PINX1: variants seen among roughly 807,000 people sequenced by gnomAD.
PINX1 encodes the protein PIN2 (TERF1) interacting telomerase inhibitor 1, also known as PIN2/TERF1-interacting telomerase inhibitor 1.
PINX1 carries 34 observed loss-of-function variants against 25.4 expected under a neutral mutation model. The observed-to-expected ratio is 1.34, with a 90% CI of 1.02 to 1.78. PINX1 has a LOEUF of 1.78. Ranked by LOEUF, PINX1 falls within the 40% of genes most tolerant of loss-of-function variation. The probability of loss-of-function intolerance (pLI) is 0.00; values close to 1 mark genes in which losing one functional copy is unlikely to be tolerated. For synonymous variants in PINX1, 197 were observed against 147.7 expected (o/e 1.33, Z -2.42); for missense variants, 592 against 404.9 (o/e 1.46, Z -3.97).
intron 6 of PINX1, chr8:10,787,656 G>T: frequency 3.1e-6 from 1 of 326,276 alleles, no homozygotes; most frequent in Non-Finnish European, 6.0e-6. Context: ...GGGAAATTAA[G>T]GATAAATGTG....
At chr8:10,835,528 GC>G (rs903522173) in intron 1 of PINX1, among the ~76,000 whole-genome samples, 46 of 152,324 alleles carry the variant, frequency 3.0e-4, no homozygotes, top group African/African-American at 9.9e-4. Flanking sequence ...TCATTGAGAT[GC>G]CCTGAAGCCC....
At chr8:10,783,534 T>C (rs1586147415) in intron 6 of PINX1, among the ~76,000 whole-genome samples, 1 of 152,220 alleles carries the variant, frequency 6.6e-6, no homozygotes, top group Non-Finnish European at 1.5e-5. Context: ...TCTTCCTTGA[T>C]CTCTGCAAGC....
chr8:10,829,981 A>C (rs1164495004), intron 4 of PINX1, among the ~76,000 whole-genome samples: 1 of 152,140 alleles, frequency 6.6e-6, no homozygotes, highest in Non-Finnish European at 1.5e-5. Context: ...CCAAGCTTAC[A>C]TTCTTATCTG....
intron 6 of PINX1, among the ~76,000 whole-genome samples, chr8:10,802,582 T>C (rs1802303251): frequency 6.6e-6 from 1 of 152,222 alleles, no homozygotes; most frequent in Non-Finnish European, 1.5e-5. Context: ...TCTGCATTCC[T>C]AAATCTTCCT....
rs115988915 is a variant in PINX1, at chr8:10,799,403, T to C, written c.471+20790A>G. ...CGAGGCCTGACAGTTGCTGGGGAAA[T>C]GATGGGACAGACGTGTCTGCTCCTG... is the stretch of plus-strand genomic sequence containing the variant. On this transcript the variant is annotated intron_variant, in intron 6 of 6. Transcript: ENST00000314787. Among the ~76,000 whole-genome samples the C allele has an allele frequency of 6.5e-3, 997 of 152,272 alleles. 15 individuals carry two copies. Among genetic ancestry groups the C allele is most frequent in the African/African-American group, 0.023 (946 of 41,528 alleles).
chr8:10,794,301 A>C (rs541088094), intron 6 of PINX1, among the ~76,000 whole-genome samples: 1 of 152,234 alleles, frequency 6.6e-6, no homozygotes, highest in Non-Finnish European at 1.5e-5. Context: ...CAGATCTTAA[A>C]ATTTCAAATA....
Position 10,839,773 on chromosome 8 carries a change from T to C in PINX1, c.-17A>G, listed in dbSNP as rs1477181707. 7.5e-6 allele frequency: 12 copies of C among 1,600,538 alleles called. No homozygotes were observed. Among genetic ancestry groups the C allele is most frequent in the African/African-American group, 1.3e-5 (1 of 74,650 alleles). Reference sequence around the variant, plus strand: ...CATAGACATGTCGGAGAGCCTGTGATACCGCCGCCTCTGGACCTGGGTGAC... The same window carrying C: ...CATAGACATGTCGGAGAGCCTGTGACACCGCCGCCTCTGGACCTGGGTGAC... On this transcript the variant is annotated 5_prime_UTR_variant, in exon 1 of 7. Coordinates refer to ENST00000314787, the MANE Select transcript of PINX1 (RefSeq NM_017884.6).
intron 6 of PINX1, among the ~76,000 whole-genome samples, chr8:10,806,537 A>C (rs1227577354): frequency 6.6e-6 from 1 of 152,194 alleles, no homozygotes; most frequent in Non-Finnish European, 1.5e-5. Context: ...ATGGATGAGA[A>C]AAGGGTTTGT....
chr8:10,824,527 A>G (rs1797978021), intron 5 of PINX1, among the ~76,000 whole-genome samples: 1 of 152,142 alleles, frequency 6.6e-6, no homozygotes, highest in Non-Finnish European at 1.5e-5. Flanking sequence ...TCGCTGGAAG[A>G]CAGAAAACGA....
At chr8:10,825,446 T>A (rs1455765613) in intron 5 of PINX1, 4 of 534,716 alleles carry the variant, frequency 7.5e-6, no homozygotes, top group Non-Finnish European at 1.5e-5. Flanking sequence ...ATGATACTGT[T>A]CTACAGACAA....
chr8:10,815,777 A>G (rs1248041594), intron 6 of PINX1, among the ~76,000 whole-genome samples: 1 of 152,254 alleles, frequency 6.6e-6, no homozygotes, highest in Non-Finnish European at 1.5e-5. Flanking sequence ...CCCTGAAGTT[A>G]TTAAGTAAAT....
chr8:10,813,169 G>A (rs894383388), intron 6 of PINX1, among the ~76,000 whole-genome samples: 11 of 152,140 alleles, frequency 7.2e-5, no homozygotes, highest in African/African-American at 2.4e-4. Context: ...TGGGCTTATA[G>A]TTCTCCCTAA....
intron 6 of PINX1, among the ~76,000 whole-genome samples, chr8:10,793,535 G>T (rs374497293): frequency 1.3e-5 from 2 of 152,152 alleles, no homozygotes; most frequent in Non-Finnish European, 2.9e-5. Context: ...GCCGCCCTGG[G>T]CAGCATGCAG....
intron 5 of PINX1, among the ~76,000 whole-genome samples, chr8:10,823,375 A>T (rs552245564): frequency 6.6e-6 from 1 of 152,166 alleles, no homozygotes; most frequent in Non-Finnish European, 1.5e-5. Flanking sequence ...CAACAACTGC[A>T]TAACTGAGGG....
chr8:10,839,835 C>A lies in PINX1; in HGVS notation c.-79G>T. On this transcript the variant is annotated 5_prime_UTR_variant, in exon 1 of 7. Transcript: ENST00000314787. ...GGCGGGCTGGAGACTCCAGGAGAAT[C>A]AGGACGTGCGTAACTCCCTCGCCGG... is the stretch of plus-strand genomic sequence containing the variant. The A allele has an allele frequency of 7.1e-7, 1 of 1,408,746 alleles. No homozygotes were observed. Among genetic ancestry groups the A allele is most frequent in the Non-Finnish European group, 9.8e-7 (1 of 1,021,232 alleles). The allele number at this position is 1,408,746 out of a possible 1,614,324, so 87.3% of individuals were successfully genotyped here.
chr8:10,792,770 G>T (rs942809361), intron 6 of PINX1, among the ~76,000 whole-genome samples: 2 of 152,204 alleles, frequency 1.3e-5, no homozygotes, highest in Non-Finnish European at 2.9e-5. Context: ...TTGCTGTGAT[G>T]TGATAAACAG....
chr8:10,783,791 G>A (rs538663872), intron 6 of PINX1, among the ~76,000 whole-genome samples: 37 of 152,330 alleles, frequency 2.4e-4, no homozygotes, highest in African/African-American at 8.4e-4. Flanking sequence ...CTATTACTCA[G>A]AACTATGAAA....
chr8:10,790,317 T>G (rs1164110319), intron 6 of PINX1, among the ~76,000 whole-genome samples: 1 of 152,118 alleles, frequency 6.6e-6, no homozygotes, highest in Non-Finnish European at 1.5e-5. Flanking sequence ...CAGAGAAGGC[T>G]CTGACATGCA....
intron 6 of PINX1, among the ~76,000 whole-genome samples, chr8:10,799,656 T>C (rs1349221633): frequency 6.6e-6 from 1 of 152,162 alleles, no homozygotes; most frequent in African/African-American, 2.4e-5. Context: ...CTAATCCCAC[T>C]TACTGTCCCT....
Sources: allele counts gnomAD v4.1 joint callset (sites outside exome capture counted in the v4.1 genomes callset), GRCh38; gene constraint gnomAD v4.1.1; transcripts MANE v1.5; gene names NCBI Gene and HGNC (gene_info 2026-07-23, HGNC 2026-07-21).